The following TAF1B variants were observed in gnomAD, a reference collection of about 807,000 sequenced individuals.
TAF1B encodes the protein TATA box-binding protein-associated factor RNA polymerase I subunit B.
Under a neutral mutation model 83.9 loss-of-function variants are expected in TAF1B, and 61 were observed. That is an observed-to-expected ratio of 0.73 (90% CI 0.59 to 0.90). TAF1B has a LOEUF of 0.90. TAF1B is among the 40% of genes least tolerant of loss of function. TAF1B has a pLI of 0.00. For missense variants in TAF1B, 625 were observed against 677.0 expected (o/e 0.92, Z 0.85); for synonymous variants, 221 against 224.6 (o/e 0.98, Z 0.14).
Position 9,868,431 on chromosome 2 carries a change from TA to T in TAF1B, c.553+7del, listed in dbSNP as rs1160800349. ...CCGTCAGCAAAGCATCACAATCAGG[TA>T]AAAATGAGAACCAAACCATTTCGAA... On this transcript the variant is annotated splice_donor_region_variant and intron_variant, in intron 6 of 14. Transcript: ENST00000263663. The T allele has an allele frequency of 6.2e-7, 1 of 1,608,192 alleles. No homozygotes were observed. Among genetic ancestry groups the T allele is most frequent in the South Asian group, 1.1e-5 (1 of 90,140 alleles).
At position 9,849,389 on chromosome 2, in the gene TAF1B, CAA is replaced by C; in HGVS notation, c.136_137del (p.Asn46HisfsTer2). 1 of 1,598,322 alleles carries C rather than the reference CAA, an allele frequency of 6.3e-7. No individual in the cohort carries two copies. On this transcript the variant is annotated frameshift_variant, in exon 3 of 15. Coordinates refer to ENST00000263663, the MANE Select transcript of TAF1B (RefSeq NM_005680.3). LOFTEE classifies it high-confidence loss of function. ...TTCCTGCAGAGATATCAGGAAGTTA[CAA>C]ACACTGATCTTATTCCTAATACCCA...
At chr2:9,863,914 A>C (rs891039282) in intron 5 of TAF1B, among the ~76,000 whole-genome samples, 2 of 152,336 alleles carry the variant, frequency 1.3e-5, no homozygotes, top group South Asian at 4.1e-4. Context: ...ACAAAGACAC[A>C]ACATACCAGA....
Position 9,875,982 on chromosome 2 carries a change from G to T in TAF1B, c.671G>T (p.Trp224Leu). ...GCCTTCTGTTATCTGTCCTTACTTT[G>T]GCAGAGAGAAGCAATAACACTTTCA... ...TLAFCYLSLL[W>L]QREAITLSDL... The change falls in exon 7 of 15, where the codon TGG becomes TTG. Residue 224 changes from tryptophan (W) to leucine (L), a missense_variant. By Grantham distance (61) the Trp-to-Leu change is moderately conservative. Transcript: ENST00000263663. 1 of 1,612,430 alleles carries T rather than the reference G, an allele frequency of 6.2e-7. No homozygotes were observed. The highest frequency in any genetic ancestry group is 1.1e-5 in the South Asian group (1 of 90,828).
chr2:9,850,843 A>G (rs1011349861), intron 3 of TAF1B, among the ~76,000 whole-genome samples: 16 of 152,300 alleles, frequency 1.1e-4, no homozygotes, highest in African/African-American at 3.8e-4. Flanking sequence ...TGAGTATTCC[A>G]GAAAATAACC....
chr2:9,890,790 GA>G (rs1331871084), intron 8 of TAF1B, among the ~76,000 whole-genome samples: 1 of 151,848 alleles, frequency 6.6e-6, no homozygotes, highest in East Asian at 1.9e-4. Context: ...TTTTTTTGGG[GA>G]CGGAGTTTCC....
chr2:9,869,996 C>G (rs909190252), intron 6 of TAF1B, among the ~76,000 whole-genome samples: 16 of 152,138 alleles, frequency 1.1e-4, no homozygotes, highest in African/African-American at 3.9e-4. Context: ...TATTGTAGAT[C>G]ATTCCAGAAA....
intron 14 of TAF1B, among the ~76,000 whole-genome samples, chr2:9,922,303 C>T (rs762605936): frequency 2.6e-5 from 4 of 152,196 alleles, no homozygotes; most frequent in South Asian, 2.1e-4. Flanking sequence ...GGAGCCAACA[C>T]GGCCCTCTTG....
intron 9 of TAF1B, among the ~76,000 whole-genome samples, chr2:9,909,146 G>C (rs529906912): frequency 6.6e-6 from 1 of 152,176 alleles, no homozygotes; most frequent in African/African-American, 2.4e-5. Flanking sequence ...AATTAATTTT[G>C]TGTTTTATTC....
chr2:9,856,648 A>G (rs1663575637), intron 5 of TAF1B, among the ~76,000 whole-genome samples: 1 of 152,224 alleles, frequency 6.6e-6, no homozygotes, highest in African/African-American at 2.4e-5. Flanking sequence ...GAAAATATGC[A>G]TCAGAACCTG....
At chr2:9,856,505 A>G (rs575063895) in intron 5 of TAF1B, among the ~76,000 whole-genome samples, 2 of 152,336 alleles carry the variant, frequency 1.3e-5, no homozygotes, top group East Asian at 1.9e-4. Flanking sequence ...GGAAGATGCT[A>G]TATGGTTCTA....
At chr2:9,856,191 T>C (rs1230132961) in intron 5 of TAF1B, among the ~76,000 whole-genome samples, 1 of 151,996 alleles carries the variant, frequency 6.6e-6, no homozygotes, top group Admixed American at 6.6e-5. Context: ...AGTATCCTCA[T>C]GTGATACCAA....
At chr2:9,918,510 A>C (rs866619333) in intron 12 of TAF1B, among the ~76,000 whole-genome samples, 10 of 152,202 alleles carry the variant, frequency 6.6e-5, no homozygotes, top group African/African-American at 2.4e-4. Context: ...CTGAGTCAGA[A>C]CAGGGACTAC....
chr2:9,850,027 A>ATGTGTG (rs3032347), intron 3 of TAF1B, among the ~76,000 whole-genome samples: 55 of 123,626 alleles, frequency 4.4e-4, no homozygotes, highest in African/African-American at 1.2e-3. Context: ...ATATATATAT[A>ATGTGTG]TGTGTGTGTG....
Position 9,910,792 on chromosome 2 carries a change from G to C in TAF1B, c.1012G>C (p.Asp338His), listed in dbSNP as rs1445195766. Residue 338 changes from aspartate (D) to histidine (H), a missense_variant, in exon 10 of 15, where the codon GAT becomes CAT. Transcript: ENST00000263663. ...AAAAATGACTGGAATGGGAGAAGTG[G>C]ATTTTCTGACATTTGATCCTATAGC... ...VVKMTGMGEV[D>H]FLTFDPIAKM... 1 of 1,613,544 alleles carries C rather than the reference G, an allele frequency of 6.2e-7. No homozygotes were observed. Among genetic ancestry groups the C allele is most frequent in the Non-Finnish European group, 8.5e-7 (1 of 1,179,756 alleles).
intron 5 of TAF1B, among the ~76,000 whole-genome samples, chr2:9,860,692 C>T (rs1663724829): frequency 6.6e-6 from 1 of 152,114 alleles, no homozygotes; most frequent in Admixed American, 6.5e-5. Context: ...AGAATGAGCA[C>T]TCTGGAAACC....
rs990909885 is a variant in TAF1B, at chr2:9,896,019, G to A, written c.808-8840G>A. On this transcript the variant is annotated intron_variant, in intron 8 of 14. Coordinates refer to ENST00000263663, the MANE Select transcript of TAF1B (RefSeq NM_005680.3). ...AATAAAATGCTTTCCCAAGCACTCC[G>A]TTTTTAATGCATGCTGGAACAATTT... Among the ~76,000 whole-genome samples, 3 of 152,040 alleles carry A rather than the reference G, an allele frequency of 2.0e-5. 1 individual carries two copies. Among genetic ancestry groups the A allele is most frequent in the Admixed American group, 2.0e-4 (3 of 15,262 alleles).
intron 9 of TAF1B, among the ~76,000 whole-genome samples, chr2:9,905,679 A>T (rs1365322563): frequency 6.7e-6 from 1 of 148,900 alleles, no homozygotes; most frequent in Non-Finnish European, 1.5e-5. Context: ...GAAAATACAA[A>T]CGTGGTGTGA....
chr2:9,895,492 C>A (rs914376043), intron 8 of TAF1B, among the ~76,000 whole-genome samples: 20 of 143,180 alleles, frequency 1.4e-4, no homozygotes, highest in African/African-American at 3.4e-4. Context: ...CAGAGTGAGA[C>A]CCTGTCTCAA....
chr2:9,875,887 T>C lies in TAF1B; in HGVS notation c.576T>C (p.Ser192=). 1 of 1,607,354 alleles carries C rather than the reference T, an allele frequency of 6.2e-7. No individual in the cohort carries two copies. The highest frequency in any genetic ancestry group is 8.5e-7 in the Non-Finnish European group (1 of 1,174,792). The change falls in exon 7 of 15, where the codon TCT becomes TCC. Residue 192 remains serine (S), a synonymous_variant. Coordinates refer to ENST00000263663, the MANE Select transcript of TAF1B (RefSeq NM_005680.3). The part of the protein sequence containing the change: ...SQSETSVCSG[S]LDGVEYSQRK... ...AAGAAACGTCTGTCTGCTCTGGATC[T>C]CTGGATGGAGTTGAATACTCACAAC...
Sources: gnomAD v4.1 joint callset for allele counts (sites outside exome capture counted in the v4.1 genomes callset) on GRCh38, gnomAD v4.1.1 for gene constraint, MANE v1.5 for transcripts, NCBI Gene and HGNC (gene_info 2026-07-23, HGNC 2026-07-21) for gene names.